ARAP1: variants seen among roughly 807,000 people sequenced by gnomAD.
ARAP1 encodes the protein ArfGAP with RhoGAP domain, ankyrin repeat and PH domain 1.
In ARAP1, 76 loss-of-function variants were observed where a neutral mutation model predicts 172.2. The ratio of observed to expected loss-of-function variants is 0.44; its 90% confidence interval spans 0.37 to 0.53. The LOEUF (loss-of-function observed/expected upper bound fraction) is 0.53, where lower values mean the gene tolerates loss of function less well. Ranked by LOEUF, ARAP1 falls within the 20% of genes least tolerant of loss-of-function variation. The pLI is 0.00. For synonymous variants in ARAP1, 804 were observed against 803.3 expected (o/e 1.00, Z -0.01); for missense variants, 1,686 against 1,977.5 (o/e 0.85, Z 2.80).
Position 72,735,362 on chromosome 11 carries a change from G to C in ARAP1, c.-127-2765C>G, listed in dbSNP as rs529494515. 4.6e-5 allele frequency among the ~76,000 whole-genome samples: 7 copies of C among 151,864 alleles called. No homozygotes were observed. The South Asian group carries it at 1.0e-3, about 23-fold the overall frequency. On this transcript the variant is annotated intron_variant, in intron 1 of 34. Transcript: ENST00000393609. ...GCAGTGGCTCATGACTGTAACCCCA[G>C]CACTTTGGGAGGCCAAGGCGGGTAG...
chr11:72,710,678 C>A lies in ARAP1; in HGVS notation c.1214-91G>T. 7.5e-7 allele frequency: 1 copy of A among 1,326,526 alleles called. No individual in the cohort carries two copies. The allele number at this position is 1,326,526 out of a possible 1,614,324, so 82.2% of individuals were successfully genotyped here. On this transcript the variant is annotated intron_variant, in intron 9 of 34. Transcript: ENST00000393609. This position sits in a 1 kb window ranked among gnomAD's most constrained non-coding sequence, Gnocchi z 4.3. ...TAGGCTCCTCATGCAACACCTCCTC[C>A]AGAAAGCCCACTCAGATGCCCCCAT...
rs1252489971 is a variant in ARAP1, at chr11:72,686,047, G to A, written c.4330C>T (p.Leu1444=). 3.1e-6 allele frequency: 5 copies of A among 1,613,942 alleles called. No individual in the cohort carries two copies. The highest frequency in any genetic ancestry group is 3.3e-5 in the Admixed American group (2 of 60,008). ...RSVAAFTADP[L]SLLRNV is the part of the protein sequence containing the mutation. ...AGGCATGGAGAGCCACTCACAGACA[G>A]AGGGTCCGCGGTGAAGGCAGCCACA... is the stretch of plus-strand genomic sequence containing the variant. Residue 1444 remains leucine (L), a synonymous_variant, in exon 34 of 35, where the codon CTG becomes TTG. Transcript: ENST00000393609.
rs1357704636 is a variant in ARAP1, at chr11:72,741,485, C to G, written c.-127-8888G>C. 6.6e-6 allele frequency among the ~76,000 whole-genome samples: 1 copy of G among 152,150 alleles called. No homozygotes were observed. The highest frequency in any genetic ancestry group is 1.5e-5 in the Non-Finnish European group (1 of 68,002). ...GGCTCTGGCCTGGCTCCCTGGCCCTCAGGCACAGACACACTCTACAGGGGC... is the reference window on the plus strand; with the variant it reads ...GGCTCTGGCCTGGCTCCCTGGCCCTGAGGCACAGACACACTCTACAGGGGC... On this transcript the variant is annotated intron_variant, in intron 1 of 34. Transcript: ENST00000393609. The surrounding 1 kb of genome is among the most constrained non-coding windows in gnomAD (Gnocchi z 4.5).
intron 12 of ARAP1, 128 bp downstream of exon 12, chr11:72,707,047 A>C (rs1856800119): frequency 1.2e-5 from 12 of 993,746 alleles, no homozygotes; most frequent in Non-Finnish European, 1.3e-5. Context: ...GTGCAGGAGA[A>C]GCCTCATCAA....
At position 72,695,479 on chromosome 11, in the gene ARAP1, G is replaced by A. The variant is rs1429723863; in HGVS notation, c.3508-24C>T. 4 of 1,614,176 alleles carry A rather than the reference G, an allele frequency of 2.5e-6. No individual in the cohort carries two copies. The highest frequency in any genetic ancestry group is 1.1e-5 in the South Asian group (1 of 91,082). On this transcript the variant is annotated intron_variant, in intron 25 of 34. Coordinates refer to ENST00000393609, the MANE Select transcript of ARAP1 (RefSeq NM_001040118.3). This position sits in a 1 kb window ranked among gnomAD's most constrained non-coding sequence, Gnocchi z 4.4. ...TGCTGCAGGGAGACAGGGCTCAGCT[G>A]GGGGCCTAGGAAATGGGTGCAGGTG...
chr11:72,725,148 C>G lies in ARAP1; in HGVS notation c.509+1472G>C, dbSNP rs900879178. Among the ~76,000 whole-genome samples the G allele has an allele frequency of 1.3e-5, 2 of 152,160 alleles. No individual in the cohort carries two copies. Among genetic ancestry groups the G allele is most frequent in the Admixed American group, 1.3e-4 (2 of 15,278 alleles). ...GGCATCCTGCCTCCCAAGCAGGAAC[C>G]CAGGCCTCCACTGCCCGTCCGGGAG... is the stretch of plus-strand genomic sequence containing the variant. On this transcript the variant is annotated intron_variant, in intron 3 of 34. Coordinates refer to ENST00000393609, the MANE Select transcript of ARAP1 (RefSeq NM_001040118.3). This position sits in a 1 kb window ranked among gnomAD's most constrained non-coding sequence, Gnocchi z 4.3.
intron 2 of ARAP1, among the ~76,000 whole-genome samples, chr11:72,731,344 C>T (rs1857861641): frequency 1.3e-5 from 2 of 152,156 alleles, no homozygotes; most frequent in African/African-American, 4.8e-5. Context: ...GGACAGATCC[C>T]TCATGAATAG....
At chr11:72,733,601 G>A (rs1565230624) in intron 1 of ARAP1, among the ~76,000 whole-genome samples, 1 of 152,154 alleles carries the variant, frequency 6.6e-6, no homozygotes, top group South Asian at 2.1e-4. Flanking sequence ...GGGACCAGTG[G>A]AGTGGCATGG....
In ARAP1 at chr11:72,712,588, A is replaced by G. The variant is rs1857072856; in HGVS notation, c.748-20T>C. On this transcript the variant is annotated intron_variant, in intron 5 of 34. Transcript: ENST00000393609. ...CTCCTCCTGCCCCCGAGACCCACTC[A>G]GCGTCATCCTTCCCTTCAAGCCACA... The G allele has an allele frequency of 6.2e-7, 1 of 1,610,200 alleles. No homozygotes were observed. The highest frequency in any genetic ancestry group is 8.5e-7 in the Non-Finnish European group (1 of 1,179,830).
chr11:72,690,353 G>A (rs1565208806), intron 30 of ARAP1, among the ~76,000 whole-genome samples: 1 of 152,176 alleles, frequency 6.6e-6, no homozygotes, highest in Non-Finnish European at 1.5e-5. Flanking sequence ...AAGGGTGGCT[G>A]AGTCAGAAAG....
rs1174596387 is a variant in ARAP1 at position 72,697,630 on chromosome 11, C to T, written c.2757G>A (p.Glu919=). The change falls in exon 20 of 35, where the codon GAG becomes GAA. Residue 919 remains glutamate (E), a synonymous_variant. Coordinates refer to ENST00000393609, the MANE Select transcript of ARAP1 (RefSeq NM_001040118.3). ...LQELSIQGDS[E]NQVLVLVERR... The stretch of plus-strand genomic sequence containing the variant: ...GCTCCACCAGCACCAGCACCTGGTT[C>T]TCACTGTCCCCCTGGATGGCTGTGG... 6.2e-7 allele frequency: 1 copy of T among 1,614,134 alleles called. No individual in the cohort carries two copies. The highest frequency in any genetic ancestry group is 1.1e-5 in the South Asian group (1 of 91,076).
Position 72,699,557 on chromosome 11 carries a change from G to A in ARAP1, c.2303-5C>T, listed in dbSNP as rs1165699588. ...CACACCAGCGCCGGCTGAACTCTGG[G>A]GAGAATTTGGGCAGGGGAGCCATCA... On this transcript the variant is annotated splice_polypyrimidine_tract_variant and splice_region_variant and intron_variant, in intron 16 of 34. Transcript: ENST00000393609. This position sits in a 1 kb window ranked among gnomAD's most constrained non-coding sequence, Gnocchi z 4.2. The A allele has an allele frequency of 6.2e-7, 1 of 1,610,530 alleles. No individual in the cohort carries two copies. Among genetic ancestry groups the A allele is most frequent in the Non-Finnish European group, 8.5e-7 (1 of 1,178,502 alleles).
At chr11:72,750,170 G>A (rs537390987) in intron 1 of ARAP1, among the ~76,000 whole-genome samples, 1 of 152,328 alleles carries the variant, frequency 6.6e-6, no homozygotes, top group South Asian at 2.1e-4. Flanking sequence ...CGGGGTAGAG[G>A]GGACAGCTGG....
At chr11:72,747,210 C>G (rs1243868853) in intron 1 of ARAP1, among the ~76,000 whole-genome samples, 1 of 152,196 alleles carries the variant, frequency 6.6e-6, no homozygotes, top group East Asian at 1.9e-4. Context: ...CTTCTCCCAC[C>G]CTCTTGCCTT....
rs886759553 is a variant in ARAP1 at position 72,697,337 on chromosome 11, T to A, written c.2939A>T (p.Tyr980Phe). Residue 980 changes from tyrosine (Y) to phenylalanine (F), a missense_variant, in exon 21 of 35, where the codon TAC (tyrosine) becomes TTC (phenylalanine). By Grantham distance (22) the Tyr-to-Phe change is conservative (BLOSUM62 3). This residue lies in a region of ARAP1 where 274 missense variants were observed against 262.7 expected (regional missense o/e 1.04). Coordinates refer to ENST00000393609, the MANE Select transcript of ARAP1 (RefSeq NM_001040118.3). Reference sequence around the variant, plus strand: ...GCAGGGCTCACCGCACTGCGTGATGTAGTCCACACAGCGGTACACGATCAC... The same window carrying A: ...GCAGGGCTCACCGCACTGCGTGATGAAGTCCACACAGCGGTACACGATCAC... ...IPVIVYRCVD[Y>F]ITQCGLTSEG... The A allele has an allele frequency of 3.1e-6, 5 of 1,593,180 alleles. No individual in the cohort carries two copies. The highest frequency in any genetic ancestry group is 1.3e-5 in the African/African-American group (1 of 74,662).
rs1269729126 is a variant in ARAP1 at position 72,710,734 on chromosome 11, G to C, written c.1214-147C>G. The C allele has an allele frequency of 2.1e-5, 22 of 1,028,712 alleles. 1 individual carries two copies. Among genetic ancestry groups the C allele is most frequent in the South Asian group, 1.5e-4 (9 of 59,930 alleles). 63.7% of individuals were successfully genotyped at this position (1,028,712 alleles called of 1,614,324 possible). ...TGCTTGACTTCTCTGACTTGAACGA[G>C]CTCAGGCTCCAATCCCAGCTATGCC... On this transcript the variant is annotated intron_variant, in intron 9 of 34. Transcript: ENST00000393609. This position sits in a 1 kb window ranked among gnomAD's most constrained non-coding sequence, Gnocchi z 4.3.
chr11:72,685,355 C>G lies in ARAP1; in HGVS notation c.*309G>C, dbSNP rs1375447519. ...ACGCCTCTGAAAGGGTGGTGGTCCT[C>G]CCAAGTTCCTGACTTATGCCCATCT... On this transcript the variant is annotated 3_prime_UTR_variant, in exon 35 of 35. Transcript: ENST00000393609. 1.3e-5 allele frequency: 6 copies of G among 449,140 alleles called. No homozygotes were observed. The Admixed American group carries it at 2.4e-4, about 18-fold the overall frequency. The allele number at this position is 449,140 out of a possible 1,614,324, so 27.8% of individuals were successfully genotyped here. A position where few individuals can be genotyped will look rare whatever the true frequency, so the allele number is the denominator to read the frequency against.
At chr11:72,696,712 C>T (rs893646600) in intron 22 of ARAP1, 58 bp from the exon 23 acceptor site, 52 of 1,430,772 alleles carry the variant, frequency 3.6e-5, no homozygotes, top group Non-Finnish European at 4.7e-5. Flanking sequence ...CCCCCCACCC[C>T]GCCTGGGCTG....
At position 72,696,602 on chromosome 11, in the gene ARAP1, C is replaced by T; in HGVS notation, c.3219G>A (p.Arg1073=). The change falls in exon 23 of 35, where the codon CGG becomes CGA. Residue 1073 remains arginine (R), a synonymous_variant. Coordinates refer to ENST00000393609, the MANE Select transcript of ARAP1 (RefSeq NM_001040118.3). ...CTGTGGCCCGGTTGACAGGGGGCAG[C>T]CGCACCAGCAGCTCTCGGTACCTGG... The part of the protein sequence containing the change: ...KVSRYRELLV[R]LPPVNRATVK... 6.2e-7 allele frequency: 1 copy of T among 1,605,750 alleles called. No homozygotes were observed. The highest frequency in any genetic ancestry group is 8.5e-7 in the Non-Finnish European group (1 of 1,174,522).
Sources: allele counts gnomAD v4.1 joint callset (sites outside exome capture counted in the v4.1 genomes callset), GRCh38; gene constraint gnomAD v4.1.1; regional missense constraint gnomAD v4.1.1; non-coding constraint Gnocchi (gnomAD v3.1); transcripts MANE v1.5; gene names NCBI Gene and HGNC (gene_info 2026-07-23, HGNC 2026-07-21).